The following RASGEF1C variants were observed in gnomAD, a reference collection of about 807,000 sequenced individuals.
RASGEF1C encodes the protein RasGEF domain family member 1C.
A neutral mutation model predicts 58.1 loss-of-function variants in RASGEF1C; 27 were observed. The observed-to-expected ratio is 0.46, with a 90% CI of 0.34 to 0.64. The LOEUF (loss-of-function observed/expected upper bound fraction) is 0.64, where lower values mean the gene tolerates loss of function less well. Among genes scored for constraint, RASGEF1C ranks in the 30% least tolerant of loss-of-function variants. RASGEF1C has a pLI of 0.01. For missense variants in RASGEF1C, 502 were observed against 605.1 expected, an observed-to-expected ratio of 0.83 and a Z score of 1.79; for synonymous variants, 243 against 246.3, an observed-to-expected ratio of 0.99 and a Z score of 0.13.
At chr5:180,174,095 ACACT>A (rs1335278927) in intron 1 of RASGEF1C, among the ~76,000 whole-genome samples, 1 of 151,676 alleles carries the variant, frequency 6.6e-6, no homozygotes, top group Non-Finnish European at 1.5e-5. Context: ...CACCAGAGAA[ACACT>A]CAGTGCATGG....
At chr5:180,190,606 T>C (rs980837479) in intron 1 of RASGEF1C, among the ~76,000 whole-genome samples, 1 of 150,062 alleles carries the variant, frequency 6.7e-6, no homozygotes, top group African/African-American at 2.4e-5. Context: ...TGAGCAAGGC[T>C]GCAGTGAGCT....
At chr5:180,159,760 C>T (rs1258356690) in intron 1 of RASGEF1C, among the ~76,000 whole-genome samples, 1 of 152,246 alleles carries the variant, frequency 6.6e-6, no homozygotes, top group Non-Finnish European at 1.5e-5. Flanking sequence ...TCATTGGTTA[C>T]TTACCCACTT....
Position 180,112,513 on chromosome 5 carries a change from C to T in RASGEF1C, c.1180-933G>A, listed in dbSNP as rs563096878. On this transcript the variant is annotated intron_variant, in intron 11 of 13. Coordinates refer to ENST00000361132, the MANE Select transcript of RASGEF1C (RefSeq NM_175062.4). Reference sequence around the variant, plus strand: ...ACACAGGGAGAGACTGAGGCTCAGACAGAGCAGTGACTGGTGACTGGCCCA... The same window carrying T: ...ACACAGGGAGAGACTGAGGCTCAGATAGAGCAGTGACTGGTGACTGGCCCA... Among the ~76,000 whole-genome samples the T allele has an allele frequency of 9.2e-5, 14 of 152,334 alleles. No homozygotes were observed. In the South Asian group the frequency reaches 2.7e-3, roughly 29 times the overall value.
intron 1 of RASGEF1C, among the ~76,000 whole-genome samples, chr5:180,182,840 G>C (rs1767369547): frequency 6.6e-6 from 1 of 152,212 alleles, no homozygotes; most frequent in Non-Finnish European, 1.5e-5. Context: ...CACCTGGAGG[G>C]AGACTGGGAT....
intron 6 of RASGEF1C, among the ~76,000 whole-genome samples, chr5:180,121,478 G>T (rs1251798712): frequency 9.9e-5 from 15 of 152,182 alleles, no homozygotes; most frequent in East Asian, 7.7e-4. Context: ...CACGCCCAGA[G>T]AATTTTTTGT....
intron 12 of RASGEF1C, among the ~76,000 whole-genome samples, chr5:180,104,266 G>A (rs914376604): frequency 6.6e-6 from 1 of 152,166 alleles, no homozygotes; most frequent in African/African-American, 2.4e-5. Context: ...GGGTCTGGAG[G>A]AGGCGATTAG....
chr5:180,190,506 A>AATAATAAT (rs1554115710), intron 1 of RASGEF1C, among the ~76,000 whole-genome samples: 1 of 97,570 alleles, frequency 1.0e-5, no homozygotes, highest in African/African-American at 3.7e-5. Flanking sequence ...AAAAAAAAAA[A>AATAATAAT]AATAATAATA....
At chr5:180,150,966 A>T (rs1426173840) in intron 1 of RASGEF1C, among the ~76,000 whole-genome samples, 2 of 151,318 alleles carry the variant, frequency 1.3e-5, no homozygotes, top group Non-Finnish European at 2.9e-5. Flanking sequence ...CCCATTCACA[A>T]TTGCTTCAAA....
intron 1 of RASGEF1C, among the ~76,000 whole-genome samples, chr5:180,174,532 CTGTG>C (rs367996839): frequency 8.4e-5 from 12 of 143,626 alleles, no homozygotes; most frequent in Non-Finnish European, 1.7e-4. Context: ...ACGTGTGTCT[CTGTG>C]TGTGCGTGTG....
chr5:180,127,579 C>G (rs895925457), intron 6 of RASGEF1C, 30 bp downstream of exon 6: 2 of 1,590,338 alleles, frequency 1.3e-6, no homozygotes, highest in East Asian at 2.3e-5. Flanking sequence ...GTGAGGCTCA[C>G]TTTTGGGACA....
rs1192074222 is a variant in RASGEF1C at position 180,209,172 on chromosome 5, C to A, written c.-151G>T. The A allele has an allele frequency of 2.0e-5, 3 of 146,892 alleles. No homozygotes were observed. The South Asian group carries it at 5.7e-4, about 28-fold the overall frequency. 9.1% of individuals were successfully genotyped at this position (146,892 alleles called of 1,614,324 possible). A position where few individuals can be genotyped will look rare whatever the true frequency, so the allele number is the denominator to read the frequency against. ...CCGCCCGACCGCCCGGCTCCCAGCGCAGCCCGCACGAGCGCCTGGCGGCGG... is the reference window on the plus strand; with the variant it reads ...CCGCCCGACCGCCCGGCTCCCAGCGAAGCCCGCACGAGCGCCTGGCGGCGG... On this transcript the variant is annotated 5_prime_UTR_variant, in exon 1 of 14. Coordinates refer to ENST00000361132, the MANE Select transcript of RASGEF1C (RefSeq NM_175062.4).
chr5:180,143,489 C>T lies in RASGEF1C; in HGVS notation c.-6-5431G>A, dbSNP rs939788237. Among the ~76,000 whole-genome samples the T allele has an allele frequency of 2.0e-5, 3 of 152,192 alleles. No individual in the cohort carries two copies. The highest frequency in any genetic ancestry group is 7.2e-5 in the African/African-American group (3 of 41,452). On this transcript the variant is annotated intron_variant, in intron 1 of 13. Transcript: ENST00000361132. This position sits in a 1 kb window ranked among gnomAD's most constrained non-coding sequence, Gnocchi z 4.3. ...TGCCCCCAGCCAGTTGAAAACGTGC[C>T]CAAGGGCCCTGCTGTTCCTCCTCAG... is the stretch of plus-strand genomic sequence containing the variant.
chr5:180,178,469 G>A (rs1581122340), intron 1 of RASGEF1C, among the ~76,000 whole-genome samples: 2 of 151,022 alleles, frequency 1.3e-5, no homozygotes, highest in African/African-American at 4.9e-5. Context: ...TAGTAGAGAC[G>A]GGGTTTCACC....
At chr5:180,126,368 C>T (rs1423683691) in intron 6 of RASGEF1C, among the ~76,000 whole-genome samples, 2 of 152,132 alleles carry the variant, frequency 1.3e-5, no homozygotes, top group Non-Finnish European at 2.9e-5. Context: ...GACCGCGCCC[C>T]TGCACTCCAG....
chr5:180,125,356 G>A (rs1011509917), intron 6 of RASGEF1C, among the ~76,000 whole-genome samples: 15 of 152,330 alleles, frequency 9.8e-5, no homozygotes, highest in Middle Eastern at 3.4e-3. Flanking sequence ...GACATCTCAA[G>A]AAATCCTGTA....
rs115697704 is a variant in RASGEF1C, at chr5:180,101,463, C to T, written c.*38G>A. On this transcript the variant is annotated 3_prime_UTR_variant, in exon 14 of 14. Transcript: ENST00000361132. ...GAGGCAGGGCTGTGGACGGCTTCTGCGGGCTCCAGCTCTTCCTCGTCCCTC... is the reference window on the plus strand; with the variant it reads ...GAGGCAGGGCTGTGGACGGCTTCTGTGGGCTCCAGCTCTTCCTCGTCCCTC... 2.9e-4 allele frequency: 461 copies of T among 1,606,460 alleles called. 1 individual carries two copies. In the African/African-American group the frequency reaches 4.7e-3, roughly 17 times the overall value.
intron 13 of RASGEF1C, 117 bp downstream of exon 13, chr5:180,101,954 C>A (rs1391487375): frequency 2.7e-6 from 2 of 737,296 alleles, no homozygotes; most frequent in Admixed American, 2.5e-5. Flanking sequence ...ATCTCTGAAG[C>A]CCCTCGGCCC....
chr5:180,197,103 C>T lies in RASGEF1C; in HGVS notation c.-7+11925G>A, dbSNP rs1388678667. 6.6e-6 allele frequency among the ~76,000 whole-genome samples: 1 copy of T among 152,222 alleles called. No individual in the cohort carries two copies. Among genetic ancestry groups the T allele is most frequent in the Non-Finnish European group, 1.5e-5 (1 of 68,044 alleles). On this transcript the variant is annotated intron_variant, in intron 1 of 13. Transcript: ENST00000361132. This position sits in a 1 kb window ranked among gnomAD's most constrained non-coding sequence, Gnocchi z 4.7. ...TGACAGGCGCCTGTGGCCAGCCTGC[C>T]TCTGATGAGCCTCCTTGGTCCCTCT...
intron 1 of RASGEF1C, among the ~76,000 whole-genome samples, chr5:180,175,817 T>C (rs548727564): frequency 2.0e-5 from 3 of 151,654 alleles, no homozygotes; most frequent in Non-Finnish European, 2.9e-5. Context: ...GCTAACCCCG[T>C]CTCTAGTAAA....
Sources: allele counts gnomAD v4.1 joint callset (sites outside exome capture counted in the v4.1 genomes callset), GRCh38; gene constraint gnomAD v4.1.1; non-coding constraint Gnocchi (gnomAD v3.1); transcripts MANE v1.5; gene names NCBI Gene and HGNC (gene_info 2026-07-23, HGNC 2026-07-21).